The following SH3D19 variants were observed in gnomAD, a reference collection of about 807,000 sequenced individuals.
SH3D19 encodes the protein SH3 domain containing 19.
A neutral mutation model predicts 112.1 loss-of-function variants in SH3D19; 58 were observed. The ratio of observed to expected loss-of-function variants is 0.52; its 90% confidence interval spans 0.42 to 0.64. SH3D19 has a LOEUF of 0.64. Among genes scored for constraint, SH3D19 ranks in the 30% least tolerant of loss-of-function variants. The pLI is 0.00. For missense variants in SH3D19, 1,090 were observed against 1,263.4 expected (o/e 0.86, Z 2.08); for synonymous variants, 391 against 448.5 (o/e 0.87, Z 1.62).
At chr4:151,297,196 A>G (rs1775770688) in intron 1 of SH3D19, among the ~76,000 whole-genome samples, 1 of 152,256 alleles carries the variant, frequency 6.6e-6, no homozygotes, top group African/African-American at 2.4e-5. Context: ...TGTCTGAAGA[A>G]TAAAAAAGAT....
Position 151,137,986 on chromosome 4 carries a change from T to A in SH3D19, c.2297-124A>T. On this transcript the variant is annotated intron_variant, in intron 13 of 19. Transcript: ENST00000604030. ...TGTTCCACTGATTCTGAGAACAGAT[T>A]ATACTAATCAAATTGACTTAAAAAA... The A allele has an allele frequency of 6.1e-6, 4 of 657,920 alleles. No homozygotes were observed. The Middle Eastern group carries it at 1.1e-3, about 174-fold the overall frequency. 40.8% of individuals were successfully genotyped at this position (657,920 alleles called of 1,614,324 possible).
intron 1 of SH3D19, chr4:151,283,016 C>A: frequency 9.7e-7 from 1 of 1,034,352 alleles, no homozygotes. Flanking sequence ...TTGTAAGCTG[C>A]TTTTGGATTC....
intron 2 of SH3D19, among the ~76,000 whole-genome samples, chr4:151,220,425 T>C (rs577958557): frequency 6.6e-6 from 1 of 152,236 alleles, no homozygotes; most frequent in Non-Finnish European, 1.5e-5. Flanking sequence ...CGCCTTCTTT[T>C]TTTGCTGCTG....
intron 11 of SH3D19, among the ~76,000 whole-genome samples, chr4:151,145,180 T>C (rs1753707078): frequency 6.6e-6 from 1 of 152,230 alleles, no homozygotes; most frequent in Admixed American, 6.5e-5. Context: ...TATTTTGTAA[T>C]GAGACATACA....
At chr4:151,318,054 T>G (rs1387925170) in intron 1 of SH3D19, among the ~76,000 whole-genome samples, 1 of 150,370 alleles carries the variant, frequency 6.7e-6, no homozygotes, top group African/African-American at 2.4e-5. Context: ...TCCCAGCACT[T>G]TGGGAGGCTG....
intron 1 of SH3D19, among the ~76,000 whole-genome samples, chr4:151,268,029 G>A (rs373969963): frequency 1.1e-4 from 17 of 152,140 alleles, no homozygotes; most frequent in African/African-American, 3.9e-4. Flanking sequence ...ATGGAGATCC[G>A]TCCTGAGAAA....
chr4:151,281,897 G>A (rs936290715), intron 1 of SH3D19, among the ~76,000 whole-genome samples: 3 of 151,966 alleles, frequency 2.0e-5, no homozygotes, highest in Non-Finnish European at 2.9e-5. Context: ...TGAGAGAACC[G>A]GAGAGAAAAC....
At chr4:151,150,784 G>T (rs1204671528) in intron 9 of SH3D19, among the ~76,000 whole-genome samples, 2 of 152,098 alleles carry the variant, frequency 1.3e-5, no homozygotes, top group East Asian at 1.9e-4. Context: ...TTCTGTAGGG[G>T]AAGGGTCAAA....
intron 1 of SH3D19, among the ~76,000 whole-genome samples, chr4:151,305,624 A>G (rs926589153): frequency 3.3e-5 from 5 of 152,218 alleles, no homozygotes; most frequent in Non-Finnish European, 5.9e-5. Flanking sequence ...CTACACCTCT[A>G]TTAAAATGGC....
At chr4:151,258,639 C>T (rs998263542) in intron 1 of SH3D19, among the ~76,000 whole-genome samples, 3 of 152,216 alleles carry the variant, frequency 2.0e-5, no homozygotes, top group African/African-American at 7.2e-5. Context: ...CCCTGCTCTC[C>T]CAGGACAGCA....
chr4:151,283,947 C>T (rs1774495897), intron 1 of SH3D19, among the ~76,000 whole-genome samples: 1 of 152,138 alleles, frequency 6.6e-6, no homozygotes, highest in South Asian at 2.1e-4. Context: ...TTATTTGCAT[C>T]GTCATTCCAT....
chr4:151,256,785 G>A (rs897992476), intron 1 of SH3D19, among the ~76,000 whole-genome samples: 24 of 151,494 alleles, frequency 1.6e-4, no homozygotes, highest in African/African-American at 5.3e-4. Context: ...TATTGCCCAG[G>A]CTGGAGTGTA....
chr4:151,264,375 C>T (rs181796098), intron 1 of SH3D19, among the ~76,000 whole-genome samples: 45 of 139,700 alleles, frequency 3.2e-4, no homozygotes, highest in African/African-American at 1.1e-3. Context: ...TGGGGGTGAG[C>T]CAACATCCCG....
chr4:151,190,220 G>A (rs1351166915), intron 2 of SH3D19, among the ~76,000 whole-genome samples: 3 of 152,154 alleles, frequency 2.0e-5, no homozygotes, highest in African/African-American at 7.2e-5. Context: ...TCTTTTAAAG[G>A]CATTCAATTT....
At chr4:151,159,379 A>G (rs763643511) in intron 8 of SH3D19, 27 bp from the exon 9 acceptor site, 20 of 1,321,388 alleles carry the variant, frequency 1.5e-5, no homozygotes, top group Non-Finnish European at 2.0e-5. Flanking sequence ...TAATTCATCA[A>G]TAATTTCTAG....
intron 1 of SH3D19, among the ~76,000 whole-genome samples, chr4:151,317,909 T>C (rs1301984357): frequency 6.6e-6 from 1 of 151,986 alleles, no homozygotes; most frequent in African/African-American, 2.4e-5. Flanking sequence ...GAGAATCGCT[T>C]GAACCTGGGA....
intron 1 of SH3D19, among the ~76,000 whole-genome samples, chr4:151,301,588 G>A (rs894457324): frequency 1.4e-4 from 22 of 152,008 alleles, no homozygotes; most frequent in African/African-American, 5.1e-4. Context: ...TCTTGCTCTC[G>A]CCATGTGAAG....
chr4:151,179,772 C>T (rs1760543197), intron 3 of SH3D19, among the ~76,000 whole-genome samples: 1 of 152,192 alleles, frequency 6.6e-6, no homozygotes, highest in Admixed American at 6.5e-5. Flanking sequence ...CGATTCCAAT[C>T]TATATGACTA....
At chr4:151,207,457 G>A (rs1474126775) in intron 2 of SH3D19, among the ~76,000 whole-genome samples, 2 of 152,178 alleles carry the variant, frequency 1.3e-5, no homozygotes, top group African/African-American at 4.8e-5. Context: ...AGGAGATTAG[G>A]TTATGCTCAA....
Sources: allele counts gnomAD v4.1 joint callset (sites outside exome capture counted in the v4.1 genomes callset), GRCh38; gene constraint gnomAD v4.1.1; transcripts MANE v1.5; gene names NCBI Gene and HGNC (gene_info 2026-07-23, HGNC 2026-07-21).